The following SRBD1 variants were observed in gnomAD, a reference collection of about 807,000 sequenced individuals.
SRBD1 encodes the protein S1 RNA binding domain 1, also known as S1 RNA-binding domain-containing protein 1.
Under a neutral mutation model 115.3 loss-of-function variants are expected in SRBD1, and 88 were observed. The ratio of observed to expected loss-of-function variants is 0.76; its 90% CI spans 0.64 to 0.91. SRBD1 has a LOEUF of 0.91. Among genes scored for constraint, SRBD1 ranks in the 40% least tolerant of loss-of-function variants. The pLI is 0.00. For missense variants in SRBD1, 1,385 were observed against 1,177.4 expected (o/e 1.18, Z -2.58); for synonymous variants, 509 against 407.7 (o/e 1.25, Z -2.99).
chr2:45,409,006 C>T (rs1427215228), intron 19 of SRBD1, among the ~76,000 whole-genome samples: 3 of 151,974 alleles, frequency 2.0e-5, no homozygotes, highest in Non-Finnish European at 4.4e-5. Flanking sequence ...ACTGCCTGAG[C>T]GAAGGAGTTC....
chr2:45,597,128 T>C (rs567908105), intron 4 of SRBD1, among the ~76,000 whole-genome samples: 12 of 152,114 alleles, frequency 7.9e-5, no homozygotes, highest in Middle Eastern at 6.8e-3. Flanking sequence ...TTCTTAAAAT[T>C]TGGAACTGGA....
At chr2:45,391,698 T>A (rs910078220) in intron 20 of SRBD1, among the ~76,000 whole-genome samples, 13 of 152,210 alleles carry the variant, frequency 8.5e-5, no homozygotes, top group Non-Finnish European at 1.5e-4. Context: ...AGAGCCCAGA[T>A]GCATCTGTCT....
intron 18 of SRBD1, among the ~76,000 whole-genome samples, chr2:45,416,886 C>G (rs964304714): frequency 6.6e-6 from 1 of 152,136 alleles, no homozygotes; most frequent in African/African-American, 2.4e-5. Context: ...TCAGGCAATT[C>G]TCCTGTCTCA....
intron 16 of SRBD1, among the ~76,000 whole-genome samples, chr2:45,445,550 TAAAAAAAAAAAAA>T (rs59451865): frequency 1.1e-4 from 4 of 37,026 alleles, no homozygotes; most frequent in Admixed American, 3.7e-4. Flanking sequence ...TTCCCAGAGG[TAAAAAAAAAAAAA>T]AAAAAAAAAA....
chr2:45,495,080 G>T (rs751998875), intron 14 of SRBD1, among the ~76,000 whole-genome samples: 2 of 152,102 alleles, frequency 1.3e-5, no homozygotes, highest in Non-Finnish European at 2.9e-5. Context: ...TATACTCCAG[G>T]ATGGACATCC....
intron 16 of SRBD1, among the ~76,000 whole-genome samples, chr2:45,440,818 T>C (rs1668647014): frequency 1.3e-5 from 2 of 151,762 alleles, no homozygotes; most frequent in Non-Finnish European, 2.9e-5. Context: ...GAGACAGAAA[T>C]AGAGGGAAGG....
intron 13 of SRBD1, among the ~76,000 whole-genome samples, 162 bp from the exon 14 acceptor site, chr2:45,547,001 T>C (rs1283982788): frequency 1.3e-5 from 2 of 152,164 alleles, no homozygotes; most frequent in African/African-American, 4.8e-5. Flanking sequence ...CAGACTTATA[T>C]GGAATAAAAG....
At chr2:45,438,984 G>C (rs1166879103) in intron 16 of SRBD1, among the ~76,000 whole-genome samples, 1 of 152,158 alleles carries the variant, frequency 6.6e-6, no homozygotes, top group Non-Finnish European at 1.5e-5. Flanking sequence ...AAAGTAGCCA[G>C]AGAGAATGTA....
At chr2:45,456,816 T>G (rs532729015) in intron 16 of SRBD1, among the ~76,000 whole-genome samples, 3 of 151,938 alleles carry the variant, frequency 2.0e-5, no homozygotes, top group Non-Finnish European at 2.9e-5. Context: ...TAATTACTTA[T>G]GACTTACAGT....
At chr2:45,545,283 T>G (rs1395080642) in intron 14 of SRBD1, among the ~76,000 whole-genome samples, 2 of 68,588 alleles carry the variant, frequency 2.9e-5, no homozygotes, top group African/African-American at 1.4e-4. Context: ...CTGTCTCAAT[T>G]AAAAAAAAAA....
intron 19 of SRBD1, among the ~76,000 whole-genome samples, chr2:45,393,391 TG>T (rs2103815520): frequency 6.6e-6 from 1 of 152,288 alleles, no homozygotes; most frequent in East Asian, 1.9e-4. Flanking sequence ...AACATTTTTT[TG>T]TTGTTGTTGA....
chr2:45,599,038 GTACAT>G (rs1673998469), intron 4 of SRBD1, among the ~76,000 whole-genome samples: 1 of 152,166 alleles, frequency 6.6e-6, no homozygotes, highest in Non-Finnish European at 1.5e-5. Context: ...CCTTGTTGTA[GTACAT>G]TACAACATTA....
chr2:45,469,471 T>C (rs966921501), intron 16 of SRBD1, among the ~76,000 whole-genome samples: 1 of 152,144 alleles, frequency 6.6e-6, no homozygotes, highest in Non-Finnish European at 1.5e-5. Context: ...TTTAAGGCAT[T>C]ATTGGTAAAA....
intron 19 of SRBD1, among the ~76,000 whole-genome samples, chr2:45,404,976 C>T (rs932226238): frequency 1.3e-5 from 2 of 152,110 alleles, no homozygotes; most frequent in Admixed American, 6.6e-5. Context: ...TAACTCTTTC[C>T]TCCGTCAAGA....
At chr2:45,488,374 T>C in intron 14 of SRBD1, 43 bp from the exon 15 acceptor site, 1 of 1,558,186 alleles carries the variant, frequency 6.4e-7, no homozygotes, top group Non-Finnish European at 8.8e-7. Flanking sequence ...CCTAACTTCC[T>C]GCCTGGTCAA....
intron 16 of SRBD1, among the ~76,000 whole-genome samples, chr2:45,471,785 A>T (rs753946210): frequency 6.6e-6 from 1 of 152,160 alleles, no homozygotes; most frequent in Non-Finnish European, 1.5e-5. Flanking sequence ...AATGGTATGT[A>T]GTGGCTCTTT....
At chr2:45,414,576 G>A (rs548964748) in intron 18 of SRBD1, among the ~76,000 whole-genome samples, 2 of 147,982 alleles carry the variant, frequency 1.4e-5, no homozygotes, top group African/African-American at 4.9e-5. Context: ...CACATAGTGT[G>A]TATATAGTGT....
At chr2:45,452,095 A>G (rs1229731510) in intron 16 of SRBD1, among the ~76,000 whole-genome samples, 1 of 151,996 alleles carries the variant, frequency 6.6e-6, no homozygotes, top group Non-Finnish European at 1.5e-5. Flanking sequence ...CCACTCCCAA[A>G]TAAATGCTAC....
At position 45,389,147 on chromosome 2, in the gene SRBD1, C is replaced by T; in HGVS notation, c.*163G>A. ...AAAAGGAAATCAAACTGTTGGTTTT[C>T]TATTTATTCAGAAGAAAAAATAAAG... On this transcript the variant is annotated 3_prime_UTR_variant, in exon 21 of 21. Transcript: ENST00000263736. The T allele has an allele frequency of 2.4e-6, 2 of 841,644 alleles. 1 individual carries two copies. Among genetic ancestry groups the T allele is most frequent in the Non-Finnish European group, 3.6e-6 (2 of 558,316 alleles). 52.1% of individuals were successfully genotyped at this position (841,644 alleles called of 1,614,324 possible).
Sources: gnomAD v4.1 joint callset for allele counts (sites outside exome capture counted in the v4.1 genomes callset) on GRCh38, gnomAD v4.1.1 for gene constraint, MANE v1.5 for transcripts, NCBI Gene and HGNC (gene_info 2026-07-23, HGNC 2026-07-21) for gene names.